The following WASL variants were observed in gnomAD, a reference collection of about 807,000 sequenced individuals.
The protein encoded by WASL is WASP like actin nucleation promoting factor.
WASL carries 20 observed loss-of-function variants against 55.5 expected under a neutral mutation model. That is an observed-to-expected ratio of 0.36 (90% CI 0.25 to 0.52). WASL has a LOEUF of 0.52. Among genes scored for constraint, WASL ranks in the 20% least tolerant of loss-of-function variants. The pLI is 0.92. For synonymous variants in WASL, 249 were observed against 217.6 expected, an observed-to-expected ratio of 1.14 and a Z score of -1.27; for missense variants, 504 against 622.5, an observed-to-expected ratio of 0.81 and a Z score of 2.03.
intron 1 of WASL, among the ~76,000 whole-genome samples, chr7:123,727,618 A>G (rs1804072806): frequency 6.6e-6 from 1 of 152,190 alleles, no homozygotes; most frequent in Admixed American, 6.5e-5. Context: ...CAGAAATCAG[A>G]AAGTGATTGC....
At position 123,699,639 on chromosome 7, in the gene WASL, T is replaced by C. The variant is rs116992745; in HGVS notation, c.461-2892A>G. Among the ~76,000 whole-genome samples, 24 of 152,274 alleles carry C rather than the reference T, an allele frequency of 1.6e-4. No individual in the cohort carries two copies. In the East Asian group the frequency reaches 4.5e-3, roughly 28 times the overall value. ...GCTAGTATATTTTTGAAAAATCAGC[T>C]TCTTATAACCTTGATTTATATAACT... is the stretch of plus-strand genomic sequence containing the variant. On this transcript the variant is annotated intron_variant, in intron 5 of 10. Coordinates refer to ENST00000223023, the MANE Select transcript of WASL (RefSeq NM_003941.4).
intron 1 of WASL, among the ~76,000 whole-genome samples, chr7:123,716,205 TTTA>T (rs1200142669): frequency 1.3e-5 from 2 of 151,918 alleles, no homozygotes; most frequent in Admixed American, 1.3e-4. Context: ...CACCAATCAG[TTTA>T]TTTTTATTTT....
intron 1 of WASL, among the ~76,000 whole-genome samples, chr7:123,733,321 T>C (rs1468568038): frequency 6.6e-6 from 1 of 152,172 alleles, no homozygotes; most frequent in African/African-American, 2.4e-5. Context: ...GGTTGTAGCA[T>C]ACAAGGTTAA....
chr7:123,696,469 AT>A, intron 6 of WASL, 109 bp downstream of exon 6: 1 of 1,089,746 alleles, frequency 9.2e-7, no homozygotes, highest in Non-Finnish European at 1.2e-6. Context: ...CAAGTGATGA[AT>A]GTACACACCC....
chr7:123,712,973 C>T (rs1803783192), intron 1 of WASL, among the ~76,000 whole-genome samples: 1 of 152,090 alleles, frequency 6.6e-6, no homozygotes, highest in African/African-American at 2.4e-5. Flanking sequence ...ACAGAAACAG[C>T]TAGACCACAA....
At chr7:123,720,590 T>G (rs891718007) in intron 1 of WASL, among the ~76,000 whole-genome samples, 1 of 151,818 alleles carries the variant, frequency 6.6e-6, no homozygotes, top group African/African-American at 2.4e-5. Flanking sequence ...GGAGAAGAAA[T>G]GACTAGGCAA....
At chr7:123,693,833 G>A (rs1310766746) in intron 8 of WASL, among the ~76,000 whole-genome samples, 1 of 152,188 alleles carries the variant, frequency 6.6e-6, no homozygotes, top group East Asian at 1.9e-4. Context: ...GGGTGTAGTG[G>A]TGCATGCCTG....
intron 1 of WASL, among the ~76,000 whole-genome samples, chr7:123,738,984 T>C (rs981201880): frequency 3.9e-5 from 6 of 152,266 alleles, no homozygotes; most frequent in East Asian, 1.9e-4. Context: ...GGGCCGCAGG[T>C]TGGACAAGCT....
At chr7:123,734,782 T>C (rs570998992) in intron 1 of WASL, among the ~76,000 whole-genome samples, 1 of 152,092 alleles carries the variant, frequency 6.6e-6, no homozygotes, top group South Asian at 2.1e-4. Flanking sequence ...GACTTAAATC[T>C]AACGTCAACT....
chr7:123,711,472 T>G (rs1334778180), intron 1 of WASL, among the ~76,000 whole-genome samples: 1 of 152,176 alleles, frequency 6.6e-6, no homozygotes, highest in Non-Finnish European at 1.5e-5. Context: ...TCAAAAAATT[T>G]GCTACACTCT....
At chr7:123,690,036 T>G (rs1803375713) in intron 9 of WASL, among the ~76,000 whole-genome samples, 2 of 152,166 alleles carry the variant, frequency 1.3e-5, no homozygotes, top group Admixed American at 6.5e-5. Flanking sequence ...TCCTTAGTAT[T>G]TTGGCTTTAA....
chr7:123,689,775 G>A (rs1482673298), intron 9 of WASL, among the ~76,000 whole-genome samples: 3 of 136,152 alleles, frequency 2.2e-5, no homozygotes, highest in African/African-American at 8.0e-5. Flanking sequence ...GTGCCAAAGT[G>A]CATTCATGAA....
At chr7:123,709,908 G>A (rs1379213491) in intron 1 of WASL, among the ~76,000 whole-genome samples, 1 of 152,124 alleles carries the variant, frequency 6.6e-6, no homozygotes, top group East Asian at 1.9e-4. Context: ...AAAAAGATTT[G>A]AGTGACTATT....
At chr7:123,718,784 T>C (rs775336467) in intron 1 of WASL, among the ~76,000 whole-genome samples, 1 of 152,252 alleles carries the variant, frequency 6.6e-6, no homozygotes, top group Non-Finnish European at 1.5e-5. Flanking sequence ...AAAACTATTT[T>C]ACTGTTTAAG....
At chr7:123,718,499 T>C (rs1238261784) in intron 1 of WASL, among the ~76,000 whole-genome samples, 6 of 152,178 alleles carry the variant, frequency 3.9e-5, no homozygotes, top group Non-Finnish European at 8.8e-5. Context: ...AGGTGGGTAA[T>C]GACAATGAGT....
At chr7:123,724,198 T>C (rs1053696381) in intron 1 of WASL, among the ~76,000 whole-genome samples, 2 of 152,196 alleles carry the variant, frequency 1.3e-5, no homozygotes, top group African/African-American at 4.8e-5. Context: ...GTCCAAACTC[T>C]TCTTCAAGAA....
chr7:123,703,893 A>G (rs17146253), intron 5 of WASL, among the ~76,000 whole-genome samples: 17,519 of 152,138 alleles, frequency 0.12, 1,321 homozygotes, highest in East Asian at 0.2. Context: ...TAGAGTCAGG[A>G]ACCTCATTTA....
chr7:123,732,156 T>G (rs1423670837), intron 1 of WASL, among the ~76,000 whole-genome samples: 1 of 151,716 alleles, frequency 6.6e-6, no homozygotes, highest in Non-Finnish European at 1.5e-5. Context: ...TGAAACCCCG[T>G]CTCTACTAAA....
At chr7:123,690,598 C>T (rs1584855367) in intron 9 of WASL, among the ~76,000 whole-genome samples, 1 of 46,504 alleles carries the variant, frequency 2.2e-5, no homozygotes, top group Non-Finnish European at 4.9e-5. Context: ...CATCAATTAA[C>T]AGGTTTTGCT....
Sources: allele counts gnomAD v4.1 joint callset (sites outside exome capture counted in the v4.1 genomes callset), GRCh38; gene constraint gnomAD v4.1.1; transcripts MANE v1.5; gene names NCBI Gene and HGNC (gene_info 2026-07-23, HGNC 2026-07-21).